Variants in MDGA2 observed in about 807,000 individuals in gnomAD.
MDGA2 encodes MAM domain containing glycosylphosphatidylinositol anchor 2.
Under a neutral mutation model 117.8 loss-of-function variants are expected in MDGA2, and 40 were observed. The ratio of observed to expected loss-of-function variants is 0.34; its 90% CI spans 0.26 to 0.44. The LOEUF is 0.44. Among genes scored for constraint, MDGA2 ranks in the 20% least tolerant of loss-of-function variants. The probability of loss-of-function intolerance (pLI) is 1.00; values close to 1 mark genes in which losing one functional copy is unlikely to be tolerated. For missense variants in MDGA2, 1,123 were observed against 1,250.6 expected (o/e 0.90, Z 1.54); for synonymous variants, 452 against 439.0 (o/e 1.03, Z -0.37).
At chr14:47,279,459 CTCTT>C (rs1566717046) in intron 2 of MDGA2, among the ~76,000 whole-genome samples, 4 of 152,054 alleles carry the variant, frequency 2.6e-5, no homozygotes, top group Non-Finnish European at 4.4e-5. Context: ...AAAACATTAT[CTCTT>C]TTTCTTGGAT....
At chr14:47,153,197 G>C (rs549684328) in intron 3 of MDGA2, among the ~76,000 whole-genome samples, 2 of 152,232 alleles carry the variant, frequency 1.3e-5, no homozygotes, top group South Asian at 4.1e-4. Context: ...AAGAGATTTG[G>C]GGGTGGCAAA....
chr14:47,367,628 T>C (rs1051765338), intron 1 of MDGA2, among the ~76,000 whole-genome samples: 7 of 152,240 alleles, frequency 4.6e-5, no homozygotes, highest in African/African-American at 9.6e-5. Flanking sequence ...CAAGCCATTC[T>C]AAAAACTGTA....
rs569824415 is a variant in MDGA2 at position 47,506,930 on chromosome 14, C to CT, written c.280+167586dup. On this transcript the variant is annotated intron_variant, in intron 1 of 16. Transcript: ENST00000399232. ...CTCTGGATGCCAGCGTGAGTTTAGA[C>CT]TTTTTTTTTTCTGTTTTTATGGTCA... 8.4e-3 allele frequency among the ~76,000 whole-genome samples: 1,231 copies of CT among 145,740 alleles called. 8 individuals carry two copies. Among genetic ancestry groups the CT allele is most frequent in the Non-Finnish European group, 0.013 (880 of 66,218 alleles).
intron 1 of MDGA2, among the ~76,000 whole-genome samples, chr14:47,551,541 T>C (rs1895581256): frequency 6.6e-6 from 1 of 152,178 alleles, no homozygotes; most frequent in Admixed American, 6.5e-5. Context: ...CATCCTACAT[T>C]AATAATTTCA....
At chr14:47,316,575 AAT>A (rs1485131929) in intron 1 of MDGA2, among the ~76,000 whole-genome samples, 1 of 152,088 alleles carries the variant, frequency 6.6e-6, no homozygotes, top group Non-Finnish European at 1.5e-5. Flanking sequence ...AAACAACTTA[AAT>A]ATATAAAAAT....
intron 5 of MDGA2, among the ~76,000 whole-genome samples, chr14:47,120,586 G>A (rs76293499): frequency 0.025 from 3,795 of 152,174 alleles, 151 homozygotes; most frequent in African/African-American, 0.087. Context: ...ATATAAAGGT[G>A]GCTCTTAGAA....
At chr14:47,436,026 C>G (rs917058230) in intron 1 of MDGA2, among the ~76,000 whole-genome samples, 4 of 152,044 alleles carry the variant, frequency 2.6e-5, no homozygotes, top group Non-Finnish European at 5.9e-5. Flanking sequence ...AGAGGCCATC[C>G]TTATGACTAA....
At chr14:47,450,465 T>C (rs2138568999) in intron 1 of MDGA2, among the ~76,000 whole-genome samples, 1 of 152,182 alleles carries the variant, frequency 6.6e-6, no homozygotes, top group African/African-American at 2.4e-5. Flanking sequence ...AGCAGTGCTA[T>C]ATTGACAATG....
At chr14:47,639,634 CTTCTT>C (rs1897386475) in intron 1 of MDGA2, among the ~76,000 whole-genome samples, 1 of 152,108 alleles carries the variant, frequency 6.6e-6, no homozygotes, top group African/African-American at 2.4e-5. Context: ...TATTTTTATT[CTTCTT>C]TTATTTAAGA....
intron 1 of MDGA2, among the ~76,000 whole-genome samples, chr14:47,440,995 T>C (rs1482586868): frequency 2.0e-5 from 3 of 152,118 alleles, no homozygotes; most frequent in Non-Finnish European, 4.4e-5. Flanking sequence ...TACCTTCAGC[T>C]GTATTACAAT....
chr14:47,529,051 T>A (rs1594901186), intron 1 of MDGA2, among the ~76,000 whole-genome samples: 1 of 150,634 alleles, frequency 6.6e-6, no homozygotes, highest in Non-Finnish European at 1.5e-5. Context: ...CAGGCTGGAG[T>A]GCAGTGGCAC....
intron 1 of MDGA2, among the ~76,000 whole-genome samples, chr14:47,400,903 AC>A: frequency 6.9e-6 from 1 of 145,016 alleles, no homozygotes; most frequent in East Asian, 2.2e-4. Context: ...GACTACAGGC[AC>A]CCACCACCAC....
At chr14:47,549,238 T>C (rs1895528975) in intron 1 of MDGA2, among the ~76,000 whole-genome samples, 1 of 152,204 alleles carries the variant, frequency 6.6e-6, no homozygotes, top group South Asian at 2.1e-4. Context: ...TTGCTCTTTT[T>C]GAAATTCAAT....
intron 2 of MDGA2, among the ~76,000 whole-genome samples, chr14:47,225,768 T>A (rs1886470702): frequency 6.6e-6 from 1 of 151,854 alleles, no homozygotes; most frequent in Admixed American, 6.6e-5. Context: ...CATATGTAAC[T>A]AACCAGCACA....
intron 1 of MDGA2, among the ~76,000 whole-genome samples, chr14:47,325,774 AT>A (rs1253393554): frequency 2.0e-5 from 3 of 152,122 alleles, no homozygotes; most frequent in African/African-American, 7.2e-5. Flanking sequence ...GCAATATATA[AT>A]AGGTGGGCCA....
At chr14:47,493,446 G>A (rs760191312) in intron 1 of MDGA2, among the ~76,000 whole-genome samples, 16 of 151,706 alleles carry the variant, frequency 1.1e-4, no homozygotes, top group Non-Finnish European at 2.1e-4. Flanking sequence ...CTCCTGAATA[G>A]CTGGATTACA....
At chr14:47,208,149 T>A (rs10484193) in intron 3 of MDGA2, among the ~76,000 whole-genome samples, 9,720 of 152,032 alleles carry the variant, frequency 0.064, 442 homozygotes, top group Non-Finnish European at 0.066. Flanking sequence ...TCTCATGGCT[T>A]TTTTACTCTC....
At chr14:47,048,124 C>A (rs1889329779) in intron 7 of MDGA2, among the ~76,000 whole-genome samples, 1 of 151,900 alleles carries the variant, frequency 6.6e-6, no homozygotes. Context: ...TTTGGACATC[C>A]CTATATACAT....
intron 1 of MDGA2, among the ~76,000 whole-genome samples, chr14:47,557,655 T>A (rs969539187): frequency 6.6e-6 from 1 of 152,166 alleles, no homozygotes; most frequent in Non-Finnish European, 1.5e-5. Flanking sequence ...TCAAACTAAA[T>A]CCATTTCTCA....
Sources: allele counts gnomAD v4.1 joint callset (sites outside exome capture counted in the v4.1 genomes callset), GRCh38; gene constraint gnomAD v4.1.1; transcripts MANE v1.5; gene names NCBI Gene and HGNC (gene_info 2026-07-23, HGNC 2026-07-21).